The following NBR1 variants were observed in gnomAD, a reference collection of about 807,000 sequenced individuals.
NBR1 encodes NBR1 autophagy cargo receptor.
A neutral mutation model predicts 115.5 loss-of-function variants in NBR1; 59 were observed. That is an observed-to-expected ratio of 0.51 (90% CI 0.41 to 0.63). The LOEUF (loss-of-function observed/expected upper bound fraction) is 0.63, where lower values mean the gene tolerates loss of function less well. NBR1 is among the 30% of genes least tolerant of loss of function. The pLI is 0.00. For missense variants in NBR1, 1,043 were observed against 1,150.5 expected, an observed-to-expected ratio of 0.91 and a Z score of 1.35; for synonymous variants, 373 against 414.7, an observed-to-expected ratio of 0.90 and a Z score of 1.22.
intron 5 of NBR1, among the ~76,000 whole-genome samples, chr17:43,185,994 T>A (rs557309641): frequency 6.8e-6 from 1 of 146,346 alleles, no homozygotes; most frequent in Non-Finnish European, 1.5e-5. Context: ...AGAGCAAAAC[T>A]CCGTCTCAAA....
At chr17:43,204,676 G>T (rs924953212) in intron 20 of NBR1, among the ~76,000 whole-genome samples, 1 of 151,556 alleles carries the variant, frequency 6.6e-6, no homozygotes, top group South Asian at 2.1e-4. Context: ...TTAGCTGGGC[G>T]TGGTGGCAGG....
chr17:43,173,541 T>G (rs2056430577), intron 1 of NBR1, among the ~76,000 whole-genome samples: 1 of 152,244 alleles, frequency 6.6e-6, no homozygotes, highest in Non-Finnish European at 1.5e-5. Context: ...TGCCTCTGCT[T>G]CCCAAAATGC....
rs1345055619 is a variant in NBR1, at chr17:43,209,664, G to A, written c.2728-237G>A. ...TCTAAGTACAGTTCATTAGCTCCCC[G>A]GTTTCCCTTTTCTCCTCCTTCAAGT... On this transcript the variant is annotated intron_variant, in intron 20 of 20. Transcript: ENST00000590996. The A allele has an allele frequency of 1.2e-4, 182 of 1,535,102 alleles. 1 individual carries two copies. The highest frequency in any genetic ancestry group is 4.9e-5 in the East Asian group (2 of 40,904).
At position 43,177,167 on chromosome 17, in the gene NBR1, G is replaced by A. The variant is rs550510544; in HGVS notation, c.103-769G>A. Among the ~76,000 whole-genome samples the A allele has an allele frequency of 4.6e-5, 7 of 151,578 alleles. No homozygotes were observed. The East Asian group carries it at 1.2e-3, about 25-fold the overall frequency. On this transcript the variant is annotated intron_variant, in intron 2 of 20. Transcript: ENST00000590996. Reference sequence around the variant, plus strand: ...AGGCACCTGTGGTTCCAGCTACTCCGGAGGTTGAGGTGGGCGAATTGCTTG... The same window carrying A: ...AGGCACCTGTGGTTCCAGCTACTCCAGAGGTTGAGGTGGGCGAATTGCTTG...
At chr17:43,170,528 C>G (rs1044614511), upstream of NBR1, 2 of 153,498 alleles carry the variant, frequency 1.3e-5, no homozygotes, top group African/African-American at 4.8e-5. Context: ...GCCTGAATAT[C>G]AGCGTAAGAT....
chr17:43,178,109 T>C, intron 3 of NBR1, 111 bp downstream of exon 3: 1 of 1,293,040 alleles, frequency 7.7e-7, no homozygotes, highest in South Asian at 1.3e-5. Context: ...TGTGTGGTGG[T>C]TTAAATATAT....
chr17:43,189,846 A>T, intron 8 of NBR1, 44 bp downstream of exon 8: 1 of 1,518,092 alleles, frequency 6.6e-7, no homozygotes, highest in South Asian at 1.1e-5. Context: ...TAGACCTTAC[A>T]GCTTTTACCT....
At chr17:43,209,518 A>G (rs1426508466) in intron 20 of NBR1, 19 of 1,462,540 alleles carry the variant, frequency 1.3e-5, no homozygotes, top group Non-Finnish European at 1.7e-5. Flanking sequence ...TATCTTGCTC[A>G]TACTTCCCCC....
intron 5 of NBR1, among the ~76,000 whole-genome samples, chr17:43,181,442 TG>T (rs1182496398): frequency 3.5e-5 from 5 of 142,272 alleles, no homozygotes; most frequent in Non-Finnish European, 7.7e-5. Flanking sequence ...GAGGCCGAGG[TG>T]GGTGGATCAC....
chr17:43,192,251 G>A (rs765648429), intron 10 of NBR1, among the ~76,000 whole-genome samples: 23 of 150,932 alleles, frequency 1.5e-4, no homozygotes, highest in Non-Finnish European at 2.4e-4. Context: ...TCGAACTCCT[G>A]ACCTCATGAA....
chr17:43,202,802 A>T, intron 19 of NBR1, 90 bp downstream of exon 19: 1 of 1,006,814 alleles, frequency 9.9e-7, no homozygotes, highest in East Asian at 2.6e-5. Context: ...GTATGTACCC[A>T]TCTTCAGAGA....
rs2056885694 is a variant in NBR1 at position 43,189,097 on chromosome 17, G to C, written c.458G>C (p.Trp153Ser). 1 of 1,612,432 alleles carries C rather than the reference G, an allele frequency of 6.2e-7. No homozygotes were observed. The highest frequency in any genetic ancestry group is 1.7e-5 in the Admixed American group (1 of 60,004). Residue 153 changes from tryptophan (W) to serine (S), a missense_variant, in exon 7 of 21, where the codon TGG becomes TCG. By Grantham distance (177) the Trp-to-Ser change is radical. Transcript: ENST00000590996. The part of the protein sequence containing the change: ...TDQPQDKPPD[W>S]FTSYLETFRE... ...CAGCCTCAAGACAAGCCCCCAGACT[G>C]GTTCACAAGCTACCTGGAGACGGTG...
At chr17:43,183,097 T>C (rs1343627250) in intron 5 of NBR1, among the ~76,000 whole-genome samples, 1 of 151,108 alleles carries the variant, frequency 6.6e-6, no homozygotes, top group Non-Finnish European at 1.5e-5. Context: ...TTTACCATGT[T>C]GCCCAGGCTA....
chr17:43,181,039 CTT>C (rs1001458376), intron 5 of NBR1, among the ~76,000 whole-genome samples: 1 of 151,978 alleles, frequency 6.6e-6, no homozygotes, highest in Admixed American at 6.6e-5. Flanking sequence ...GCCCGGCTAA[CTT>C]TTTATATTTT....
chr17:43,197,234 T>C, intron 16 of NBR1, 128 bp downstream of exon 16: 1 of 985,066 alleles, frequency 1.0e-6, no homozygotes, highest in Non-Finnish European at 1.5e-6. Context: ...GAAGTTCTGA[T>C]CTTGGCGGGG....
In NBR1 at chr17:43,196,551, A is replaced by G. The variant is rs768775366; in HGVS notation, c.1821A>G (p.Ile607Met). The G allele has an allele frequency of 9.3e-6, 15 of 1,606,658 alleles. No individual in the cohort carries two copies. Among genetic ancestry groups the G allele is most frequent in the Non-Finnish European group, 1.1e-5 (13 of 1,177,288 alleles). Residue 607 changes from isoleucine to methionine, a missense_variant, in exon 15 of 21, where the codon ATA becomes ATG. Transcript: ENST00000590996. Reference sequence around the variant, plus strand: ...TAGAGAAGCCAGGCTTGGGGCAGATAGAGGAAGAGAATGAAGGGGCAGGAT... The same window carrying G: ...TAGAGAAGCCAGGCTTGGGGCAGATGGAGGAAGAGAATGAAGGGGCAGGAT... ...PLIEKPGLGQ[I>M]EEENEGAGFK...
upstream of NBR1, chr17:43,171,018 C>A (rs1481558096): frequency 6.6e-6 from 1 of 152,288 alleles, no homozygotes; most frequent in Admixed American, 6.5e-5. Flanking sequence ...CCCACATCTG[C>A]GCACTCCTAG....
Position 43,189,763 on chromosome 17 carries a change from A to G in NBR1, c.656A>G (p.Asn219Ser). The change falls in exon 8 of 21, where the codon AAC (asparagine) becomes AGC (serine). Residue 219 changes from asparagine (N) to serine (S), a missense_variant. Asn to Ser is a conservative substitution (Grantham distance 46, BLOSUM62 1). Coordinates refer to ENST00000590996, the MANE Select transcript of NBR1 (RefSeq NM_005899.5). ...TTCAGCTGGCATATTGCTTGCAACA[A>G]CTGCCAAAGAAGGATTGTTGGTGTC... ...NQFSWHIACN[N>S]CQRRIVGVRY... 1 of 1,613,962 alleles carries G rather than the reference A, an allele frequency of 6.2e-7. No homozygotes were observed. Among genetic ancestry groups the G allele is most frequent in the Non-Finnish European group, 8.5e-7 (1 of 1,179,904 alleles).
At chr17:43,182,211 C>CTTTTTTTT (rs752789312) in intron 5 of NBR1, among the ~76,000 whole-genome samples, 4 of 71,608 alleles carry the variant, frequency 5.6e-5, no homozygotes, top group Non-Finnish European at 7.6e-5. Context: ...CTGTTCTCTC[C>CTTTTTTTT]TTTTTTTTTT....
Sources: gnomAD v4.1 joint callset for allele counts (sites outside exome capture counted in the v4.1 genomes callset) on GRCh38, gnomAD v4.1.1 for gene constraint, MANE v1.5 for transcripts, NCBI Gene and HGNC (gene_info 2026-07-23, HGNC 2026-07-21) for gene names.